Variants in NOVA1 observed in about 807,000 individuals in gnomAD.
The protein encoded by NOVA1 is RNA-binding protein Nova-1.
A neutral mutation model predicts 38.0 loss-of-function variants in NOVA1; 7 were observed. That is an observed-to-expected ratio of 0.18 (90% confidence interval 0.10 to 0.35). NOVA1 has a LOEUF of 0.35. NOVA1 is among the 10% of genes least tolerant of loss of function. The pLI, the probability that NOVA1 is intolerant of heterozygous loss-of-function variation, is 1.00. For missense variants in NOVA1, 460 were observed against 616.0 expected (o/e 0.75, Z 2.68); for synonymous variants, 270 against 232.5 (o/e 1.16, Z -1.47).
intron 2 of NOVA1, among the ~76,000 whole-genome samples, chr14:26,489,670 T>C (rs893365625): frequency 6.6e-6 from 1 of 151,892 alleles, no homozygotes; most frequent in Admixed American, 6.6e-5. Flanking sequence ...GAGAACTCCA[T>C]CTCTACTAAA....
rs145046208 is a variant in NOVA1 at position 26,449,668 on chromosome 14, T to C, written c.520-705A>G. ...GTAGATTAACCCTATTTAAGAATTA[T>C]ATTACCTAGCTGCACTATCTATATT... On this transcript the variant is annotated intron_variant, in intron 4 of 4. Coordinates refer to ENST00000539517, the MANE Select transcript of NOVA1 (RefSeq NM_002515.3). Among the ~76,000 whole-genome samples, 85 of 152,302 alleles carry C rather than the reference T, an allele frequency of 5.6e-4. 1 individual carries two copies. In the East Asian group the frequency reaches 0.01, roughly 18 times the overall value.
chr14:26,573,199 A>C (rs1892599680), intron 2 of NOVA1, among the ~76,000 whole-genome samples: 1 of 152,174 alleles, frequency 6.6e-6, no homozygotes. Context: ...AAGAATAGTT[A>C]CTAATATTGA....
At chr14:26,532,068 T>C (rs567065411) in intron 2 of NOVA1, among the ~76,000 whole-genome samples, 1 of 152,266 alleles carries the variant, frequency 6.6e-6, no homozygotes, top group East Asian at 1.9e-4. Flanking sequence ...ATGGTAAGGA[T>C]CTGGACTAAT....
At chr14:26,486,696 CAAAAAAAAA>C (rs59078775) in intron 2 of NOVA1, among the ~76,000 whole-genome samples, 2 of 23,106 alleles carry the variant, frequency 8.7e-5, no homozygotes, top group Non-Finnish European at 1.4e-4. Context: ...GTGACAGACT[CAAAAAAAAA>C]AAAAAAAAAA....
chr14:26,568,126 T>G (rs1768431792), intron 2 of NOVA1, among the ~76,000 whole-genome samples: 1 of 152,114 alleles, frequency 6.6e-6, no homozygotes, highest in Admixed American at 6.5e-5. Context: ...AAACAGAAAA[T>G]GTTTTACAGT....
At chr14:26,586,172 T>C (rs976660930) in intron 2 of NOVA1, among the ~76,000 whole-genome samples, 1 of 151,410 alleles carries the variant, frequency 6.6e-6, no homozygotes, top group Admixed American at 6.6e-5. Flanking sequence ...AAAGAGTTTT[T>C]GTTTTAATTT....
rs924010275 is a variant in NOVA1 at position 26,554,937 on chromosome 14, A to G, written c.280+40473T>C. Reference sequence around the variant, plus strand: ...TGTCTATTTGTAAACAGTAATATTAAGCAATTAAATAACATGAATATGTTT... The same window carrying G: ...TGTCTATTTGTAAACAGTAATATTAGGCAATTAAATAACATGAATATGTTT... On this transcript the variant is annotated intron_variant, in intron 2 of 4. Transcript: ENST00000539517. Among the ~76,000 whole-genome samples the G allele has an allele frequency of 2.6e-5, 4 of 152,258 alleles. No homozygotes were observed. In the South Asian group the frequency reaches 8.3e-4, roughly 32 times the overall value.
chr14:26,491,932 G>C (rs1488715594), intron 2 of NOVA1, among the ~76,000 whole-genome samples: 2 of 151,418 alleles, frequency 1.3e-5, no homozygotes, highest in Non-Finnish European at 2.9e-5. Flanking sequence ...AATTCCGTAT[G>C]CATTTTCAGA....
intron 2 of NOVA1, among the ~76,000 whole-genome samples, chr14:26,512,817 A>C (rs2138462382): frequency 8.0e-6 from 1 of 125,116 alleles, no homozygotes; most frequent in South Asian, 3.1e-4. Context: ...AAAACGCACA[A>C]CTTCCAATTT....
intron 2 of NOVA1, among the ~76,000 whole-genome samples, chr14:26,574,521 T>C (rs1315059347): frequency 6.6e-6 from 1 of 152,118 alleles, no homozygotes; most frequent in Non-Finnish European, 1.5e-5. Flanking sequence ...CATGACGTCT[T>C]AATGTAAAAC....
intron 2 of NOVA1, among the ~76,000 whole-genome samples, chr14:26,526,581 T>TAAA (rs1555325770): frequency 1.1e-5 from 1 of 90,178 alleles, no homozygotes; most frequent in Non-Finnish European, 3.4e-5. Flanking sequence ...TGTTAGAAAA[T>TAAA]AAAAAAATAT....
At chr14:26,520,537 C>T (rs1218120469) in intron 2 of NOVA1, among the ~76,000 whole-genome samples, 2 of 152,076 alleles carry the variant, frequency 1.3e-5, no homozygotes, top group Non-Finnish European at 2.9e-5. Flanking sequence ...TAAGCCGTGG[C>T]ACTAATAAAC....
chr14:26,538,944 C>A (rs761591869), intron 2 of NOVA1, among the ~76,000 whole-genome samples: 2 of 152,132 alleles, frequency 1.3e-5, no homozygotes, highest in African/African-American at 4.8e-5. Context: ...GATCCAAGGA[C>A]GTTTTTCTTT....
At chr14:26,504,369 C>T (rs2138421418) in intron 2 of NOVA1, among the ~76,000 whole-genome samples, 1 of 152,208 alleles carries the variant, frequency 6.6e-6, no homozygotes, top group African/African-American at 2.4e-5. Flanking sequence ...ATATAGAAAC[C>T]TCAATTAATC....
intron 2 of NOVA1, among the ~76,000 whole-genome samples, chr14:26,547,279 G>C (rs1890851852): frequency 6.6e-6 from 1 of 151,856 alleles, no homozygotes; most frequent in Admixed American, 6.6e-5. Flanking sequence ...AGAGATAAGA[G>C]GTATCTGTTT....
At chr14:26,534,754 G>A (rs1889953284) in intron 2 of NOVA1, among the ~76,000 whole-genome samples, 1 of 152,116 alleles carries the variant, frequency 6.6e-6, no homozygotes, top group Non-Finnish European at 1.5e-5. Flanking sequence ...TTCTGATGGG[G>A]AGATTATCAT....
At chr14:26,595,622 AAG>A in intron 1 of NOVA1, 69 bp from the exon 2 acceptor site, 2 of 1,410,584 alleles carry the variant, frequency 1.4e-6, no homozygotes, top group African/African-American at 1.4e-5. Context: ...CTCCACCCTC[AAG>A]AGAGAAAAAC....
At chr14:26,539,162 G>A (rs1434729594) in intron 2 of NOVA1, among the ~76,000 whole-genome samples, 3 of 151,942 alleles carry the variant, frequency 2.0e-5, no homozygotes, top group Non-Finnish European at 4.4e-5. Context: ...CAAACTCCAC[G>A]AACATAGAGA....
At chr14:26,499,462 C>T (rs998385116) in intron 2 of NOVA1, among the ~76,000 whole-genome samples, 1 of 151,962 alleles carries the variant, frequency 6.6e-6, no homozygotes, top group Admixed American at 6.6e-5. Context: ...GGGAGGTATC[C>T]ATATTGAAAA....
Sources: allele counts gnomAD v4.1 joint callset (sites outside exome capture counted in the v4.1 genomes callset), GRCh38; gene constraint gnomAD v4.1.1; transcripts MANE v1.5; gene names NCBI Gene and HGNC (gene_info 2026-07-23, HGNC 2026-07-21).